FRMD4B: variants seen among roughly 807,000 people sequenced by gnomAD.
FRMD4B encodes the protein FERM domain containing 4B, also known as FERM domain-containing protein 4B.
Under a neutral mutation model 141.5 loss-of-function variants are expected in FRMD4B, and 74 were observed. The ratio of observed to expected loss-of-function variants is 0.52; its 90% CI spans 0.43 to 0.63. The LOEUF (loss-of-function observed/expected upper bound fraction) is 0.63, where lower values mean the gene tolerates loss of function less well. Among genes scored for constraint, FRMD4B ranks in the 30% least tolerant of loss-of-function variants. FRMD4B has a pLI of 0.00. For missense variants in FRMD4B, 1,366 were observed against 1,253.4 expected (o/e 1.09, Z -1.36); for synonymous variants, 506 against 467.9 (o/e 1.08, Z -1.05).
chr3:69,230,532 G>A (rs901988978), intron 7 of FRMD4B, among the ~76,000 whole-genome samples: 2 of 151,870 alleles, frequency 1.3e-5, no homozygotes, highest in Non-Finnish European at 2.9e-5. Flanking sequence ...GATCACCTGA[G>A]GTCAGGAGTT....
At chr3:69,489,355 C>T (rs990852377) in intron 1 of FRMD4B, among the ~76,000 whole-genome samples, 1 of 146,296 alleles carries the variant, frequency 6.8e-6, no homozygotes, top group African/African-American at 2.5e-5. Context: ...AAAATGTATA[C>T]ATATATAAAT....
At chr3:69,278,181 G>A (rs528295658) in intron 5 of FRMD4B, among the ~76,000 whole-genome samples, 1 of 152,266 alleles carries the variant, frequency 6.6e-6, no homozygotes, top group East Asian at 1.9e-4. Flanking sequence ...AGTGTGGTAG[G>A]CAGTCCATTA....
In FRMD4B at chr3:69,518,571, C is replaced by T. The variant is rs80199805; in HGVS notation, c.-129+23635G>A. On this transcript the variant is annotated intron_variant, in intron 1 of 5. Coordinates refer to the FRMD4B transcript ENST00000459638. ...TTTCTACTATCCTTTTCTTAAGGAA[C>T]TCTGTGGTCCACATTGTAGCAGAGA... 7.6e-3 allele frequency among the ~76,000 whole-genome samples: 1,152 copies of T among 152,318 alleles called. 21 individuals carry two copies. Among genetic ancestry groups the T allele is most frequent in the African/African-American group, 0.027 (1,111 of 41,582 alleles).
intron 1 of FRMD4B, among the ~76,000 whole-genome samples, chr3:69,335,869 C>T (rs965030448): frequency 4.0e-5 from 6 of 151,704 alleles, no homozygotes; most frequent in Non-Finnish European, 5.9e-5. Context: ...ATTACAGGTG[C>T]GTGCCACCAT....
At chr3:69,326,310 G>A (rs1001853020) in intron 1 of FRMD4B, among the ~76,000 whole-genome samples, 3 of 152,032 alleles carry the variant, frequency 2.0e-5, no homozygotes, top group African/African-American at 7.2e-5. Context: ...CAATCAACCC[G>A]CCAGTTAAAC....
At chr3:69,205,506 G>C (rs924863571) in intron 11 of FRMD4B, among the ~76,000 whole-genome samples, 3 of 152,108 alleles carry the variant, frequency 2.0e-5, no homozygotes, top group African/African-American at 7.2e-5. Context: ...ACCATGCCCA[G>C]CCTGAGTCCC....
intron 1 of FRMD4B, among the ~76,000 whole-genome samples, chr3:69,315,476 A>G (rs996455780): frequency 6.6e-6 from 1 of 152,180 alleles, no homozygotes; most frequent in South Asian, 2.1e-4. Flanking sequence ...CCATCCAGAA[A>G]TTTGATATAT....
At chr3:69,373,838 A>G (rs1173269884) in intron 1 of FRMD4B, among the ~76,000 whole-genome samples, 1 of 152,190 alleles carries the variant, frequency 6.6e-6, no homozygotes, top group Admixed American at 6.5e-5. Flanking sequence ...GCACCAATGC[A>G]CTCTAGCCTG....
chr3:69,467,838 T>C lies in FRMD4B; in HGVS notation c.-128-35077A>G, dbSNP rs76820606. Among the ~76,000 whole-genome samples, 742 of 152,286 alleles carry C rather than the reference T, an allele frequency of 4.9e-3. 28 individuals carry two copies. The East Asian group carries it at 0.098, about 20-fold the overall frequency. Reference sequence around the variant, plus strand: ...GGGATCCTAGCAGGGGACCTTCTGCTGCAAATACTAAAAAGGAGGGTGCTC... The same window carrying C: ...GGGATCCTAGCAGGGGACCTTCTGCCGCAAATACTAAAAAGGAGGGTGCTC... On this transcript the variant is annotated intron_variant, in intron 1 of 5. Coordinates refer to the FRMD4B transcript ENST00000459638.
At chr3:69,303,108 A>AAAAC (rs944862093) in intron 3 of FRMD4B, among the ~76,000 whole-genome samples, 2 of 152,130 alleles carry the variant, frequency 1.3e-5, no homozygotes, top group Non-Finnish European at 1.5e-5. Context: ...AAAACCCCCC[A>AAAAC]AAACAAACAA....
intron 1 of FRMD4B, among the ~76,000 whole-genome samples, chr3:69,375,935 AT>A (rs970985536): frequency 1.3e-5 from 2 of 152,246 alleles, no homozygotes; most frequent in Non-Finnish European, 2.9e-5. Flanking sequence ...CTGTACTGTT[AT>A]TTGGAAATAA....
At chr3:69,316,109 G>A (rs1325707004) in intron 1 of FRMD4B, among the ~76,000 whole-genome samples, 3 of 152,100 alleles carry the variant, frequency 2.0e-5, no homozygotes, top group Admixed American at 6.6e-5. Flanking sequence ...AGTTTTGATC[G>A]AACTCTGCTT....
intron 1 of FRMD4B, among the ~76,000 whole-genome samples, chr3:69,443,196 C>T (rs900389110): frequency 6.6e-6 from 1 of 152,106 alleles, no homozygotes; most frequent in Non-Finnish European, 1.5e-5. Flanking sequence ...AGTTCAGTCA[C>T]CAGTGGCCAC....
chr3:69,314,365 T>C (rs1297576856), intron 1 of FRMD4B, among the ~76,000 whole-genome samples: 1 of 139,360 alleles, frequency 7.2e-6, no homozygotes, highest in Non-Finnish European at 1.6e-5. Flanking sequence ...CCGTCTCTAC[T>C]AAAACTACAA....
chr3:69,206,381 A>G lies in FRMD4B; in HGVS notation c.877-7607T>C, dbSNP rs113809679. Among the ~76,000 whole-genome samples, 395 of 152,246 alleles carry G rather than the reference A, an allele frequency of 2.6e-3. 2 individuals are homozygous for G. The highest frequency in any genetic ancestry group is 9.0e-3 in the African/African-American group (374 of 41,554). ...ACAAAACAAAACAAAACAAAAACCC[A>G]TATCTTAAATGCAAGGAGTAAAACT... On this transcript the variant is annotated intron_variant, in intron 11 of 22. Coordinates refer to ENST00000398540, the MANE Select transcript of FRMD4B (RefSeq NM_015123.3).
intron 1 of FRMD4B, among the ~76,000 whole-genome samples, chr3:69,476,824 T>C (rs1344160137): frequency 6.6e-6 from 1 of 152,192 alleles, no homozygotes; most frequent in African/African-American, 2.4e-5. Flanking sequence ...TATTGATTCT[T>C]CCTACCCATA....
At chr3:69,421,946 G>A (rs1704988294) in intron 2 of FRMD4B, among the ~76,000 whole-genome samples, 1 of 152,200 alleles carries the variant, frequency 6.6e-6, no homozygotes, top group Admixed American at 6.5e-5. Context: ...AAAAATATTG[G>A]TGTCATTATT....
chr3:69,204,893 C>T (rs2093007910), intron 11 of FRMD4B, among the ~76,000 whole-genome samples: 2 of 151,950 alleles, frequency 1.3e-5, no homozygotes, highest in South Asian at 4.2e-4. Context: ...AAAACTGAGG[C>T]TCAGAGAGGT....
rs79489351 is a variant in FRMD4B, at chr3:69,319,764, G to C, written c.163-6247C>G. ...TGATAAATAACAAAATTCATAAGTG[G>C]CAGAACCAGATCCAAATTCAAAGCC... is the stretch of plus-strand genomic sequence containing the variant. On this transcript the variant is annotated intron_variant, in intron 1 of 22. Coordinates refer to ENST00000398540, the MANE Select transcript of FRMD4B (RefSeq NM_015123.3). 5.5e-3 allele frequency among the ~76,000 whole-genome samples: 841 copies of C among 152,216 alleles called. 3 individuals carry two copies. Among genetic ancestry groups the C allele is most frequent in the African/African-American group, 0.018 (763 of 41,534 alleles).
Sources: gnomAD v4.1 joint callset for allele counts (sites outside exome capture counted in the v4.1 genomes callset) on GRCh38, gnomAD v4.1.1 for gene constraint, MANE v1.5 for transcripts, NCBI Gene and HGNC (gene_info 2026-07-23, HGNC 2026-07-21) for gene names.